The following WASF2 variants were observed in gnomAD, a reference collection of about 807,000 sequenced individuals.
The protein encoded by WASF2 is WASP family member 2, also known as actin-binding protein WASF2.
WASF2 carries 14 observed loss-of-function variants against 45.0 expected under a neutral mutation model. That is an observed-to-expected ratio of 0.31 (90% CI 0.21 to 0.49). The LOEUF is 0.49. Ranked by LOEUF, WASF2 falls within the 20% of genes least tolerant of loss-of-function variation. The pLI, the probability that WASF2 is intolerant of heterozygous loss-of-function variation, is 0.99. For missense variants in WASF2, 439 were observed against 636.1 expected (o/e 0.69, Z 3.33); for synonymous variants, 200 against 236.3 (o/e 0.85, Z 1.41).
At chr1:27,427,780 C>T (rs575085088) in intron 2 of WASF2, among the ~76,000 whole-genome samples, 3 of 152,236 alleles carry the variant, frequency 2.0e-5, no homozygotes, top group South Asian at 2.1e-4. Flanking sequence ...GGCAGTGATG[C>T]GATAGGAGGG....
In WASF2 at chr1:27,445,856, A is replaced by T. The variant is rs1571143023; in HGVS notation, c.-43-16923T>A. 5.6e-5 allele frequency among the ~76,000 whole-genome samples: 8 copies of T among 142,132 alleles called. 1 individual carries two copies. Among genetic ancestry groups the T allele is most frequent in the African/African-American group, 1.3e-4 (5 of 39,920 alleles). The allele number at this position is 142,132 out of a possible 152,430, so 93.2% of individuals were successfully genotyped here. A position where few individuals can be genotyped will look rare whatever the true frequency, so the allele number is the denominator to read the frequency against. ...CATCAGGGACTTTTTTTTTTTTTTT[A>T]AAGCACCTAATCTTCCATCTTCTTT... is the stretch of plus-strand genomic sequence containing the variant. On this transcript the variant is annotated intron_variant, in intron 1 of 8. Transcript: ENST00000618852.
At chr1:27,425,794 G>C (rs1031950040) in intron 2 of WASF2, among the ~76,000 whole-genome samples, 8 of 141,284 alleles carry the variant, frequency 5.7e-5, no homozygotes, top group Admixed American at 4.6e-4. Context: ...AGCCGAGGTG[G>C]CGCCACTGCA....
At chr1:27,413,589 C>T (rs181665093) in intron 6 of WASF2, among the ~76,000 whole-genome samples, 4 of 152,174 alleles carry the variant, frequency 2.6e-5, no homozygotes, top group African/African-American at 4.8e-5. Flanking sequence ...AGCCTTGGCA[C>T]GTCTCTTTAT....
At chr1:27,436,098 T>C (rs901691721) in intron 1 of WASF2, among the ~76,000 whole-genome samples, 9 of 152,238 alleles carry the variant, frequency 5.9e-5, no homozygotes, top group African/African-American at 1.9e-4. Context: ...GATGGGGACA[T>C]ATGAGAAGAG....
intron 1 of WASF2, among the ~76,000 whole-genome samples, chr1:27,460,062 C>T (rs946133827): frequency 6.6e-6 from 1 of 152,110 alleles, no homozygotes; most frequent in Non-Finnish European, 1.5e-5. Flanking sequence ...ATTAACACAG[C>T]CTCTAGTACC....
chr1:27,423,953 G>T (rs1235331093), intron 2 of WASF2, among the ~76,000 whole-genome samples: 1 of 152,100 alleles, frequency 6.6e-6, no homozygotes, highest in African/African-American at 2.4e-5. Flanking sequence ...CCAAGTGGGG[G>T]TTCCATTCTC....
In WASF2 at chr1:27,454,119, ATGTGTGTATATATATATGTGTG is replaced by A. The variant is rs1315494721; in HGVS notation, c.-43-25208_-43-25187del. Among the ~76,000 whole-genome samples, 80 of 140,114 alleles carry A rather than the reference ATGTGTGTATATATATATGTGTG, an allele frequency of 5.7e-4. No homozygotes were observed. In the East Asian group the frequency reaches 0.015, roughly 26 times the overall value. The allele number at this position is 140,114 out of a possible 152,430, so 91.9% of individuals were successfully genotyped here. A position where few individuals can be genotyped will look rare whatever the true frequency, so the allele number is the denominator to read the frequency against. The stretch of plus-strand genomic sequence containing the variant: ...TATATACATATATATGTGTATATAT[ATGTGTGTATATATATATGTGTG>A]TGTGTGTGTGTGTATATATATATAT... On this transcript the variant is annotated intron_variant, in intron 1 of 8. Transcript: ENST00000618852.
chr1:27,478,291 A>G (rs2017797774), intron 1 of WASF2, among the ~76,000 whole-genome samples: 1 of 151,932 alleles, frequency 6.6e-6, no homozygotes, highest in African/African-American at 2.4e-5. Context: ...AAAAAAAAAA[A>G]AGGATATGAT....
At chr1:27,481,370 T>C (rs2017847815) in intron 1 of WASF2, among the ~76,000 whole-genome samples, 1 of 151,880 alleles carries the variant, frequency 6.6e-6, no homozygotes, top group Non-Finnish European at 1.5e-5. Context: ...GTCAAACCAC[T>C]GCTTTTTCTC....
intron 8 of WASF2, among the ~76,000 whole-genome samples, chr1:27,408,689 T>C (rs1471899879): frequency 2.6e-5 from 4 of 152,176 alleles, no homozygotes; most frequent in South Asian, 2.1e-4. Context: ...TCAGCTGCCA[T>C]AGACTGTCCT....
intron 1 of WASF2, among the ~76,000 whole-genome samples, chr1:27,466,556 C>G (rs965234246): frequency 6.6e-6 from 1 of 152,156 alleles, no homozygotes; most frequent in Non-Finnish European, 1.5e-5. Flanking sequence ...AAAGCACCAA[C>G]TTTCAAAGAT....
At chr1:27,487,073 T>G (rs1346918981) in intron 1 of WASF2, among the ~76,000 whole-genome samples, 2 of 147,408 alleles carry the variant, frequency 1.4e-5, no homozygotes, top group Non-Finnish European at 3.0e-5. Flanking sequence ...ATATATAAAA[T>G]ATAGATTATA....
chr1:27,438,108 C>T (rs1401650417), intron 1 of WASF2, among the ~76,000 whole-genome samples: 4 of 152,146 alleles, frequency 2.6e-5, no homozygotes, highest in African/African-American at 9.7e-5. Flanking sequence ...CATTCCTCTC[C>T]AAGTACCTGG....
intron 4 of WASF2, 79 bp downstream of exon 4, chr1:27,418,190 A>T (rs1229134893): frequency 6.7e-7 from 1 of 1,484,824 alleles, no homozygotes; most frequent in Non-Finnish European, 9.1e-7. Flanking sequence ...CCTCTGATGG[A>T]AACAACCGCT....
chr1:27,428,617 T>C, intron 2 of WASF2, 144 bp downstream of exon 2: 1 of 1,239,562 alleles, frequency 8.1e-7, no homozygotes, highest in Non-Finnish European at 1.1e-6. Context: ...GGAGCCTCTC[T>C]TTGGGGAGGA....
At position 27,418,316 on chromosome 1, in the gene WASF2, G is replaced by C; in HGVS notation, c.372C>G (p.Tyr124Ter). 1 of 1,614,198 alleles carries C rather than the reference G, an allele frequency of 6.2e-7. No individual in the cohort carries two copies. The highest frequency in any genetic ancestry group is 8.5e-7 in the Non-Finnish European group (1 of 1,180,010). The change falls in exon 4 of 9, where the codon TAC becomes TAG. Residue 124 changes from tyrosine (Y) to a stop codon, truncating the protein, a stop_gained. Coordinates refer to ENST00000618852, the MANE Select transcript of WASF2 (RefSeq NM_006990.5). LOFTEE classifies it high-confidence loss of function. The part of the protein sequence containing the change: ...NSLPVPVLET[Y>*]NTCDTPPPLN... ...GAGGGGGAGGAGTATCACAGGTATT[G>C]TATGTTTCTAAGACAGGCACTGGGA...
At chr1:27,481,065 AG>A (rs1395880128) in intron 1 of WASF2, among the ~76,000 whole-genome samples, 9 of 147,446 alleles carry the variant, frequency 6.1e-5, no homozygotes, top group African/African-American at 2.3e-4. Flanking sequence ...AAACAAAAAA[AG>A]AATGCATGTG....
chr1:27,415,545 C>G lies in WASF2; in HGVS notation c.537+440G>C, dbSNP rs557765570. On this transcript the variant is annotated intron_variant, in intron 5 of 8. Coordinates refer to ENST00000618852, the MANE Select transcript of WASF2 (RefSeq NM_006990.5). ...AGAATCTTCAAAACCTACATATATC[C>G]CCCCACCCTAGCCCCGCCCAGCCCG... Among the ~76,000 whole-genome samples the G allele has an allele frequency of 2.0e-4, 31 of 152,168 alleles. No homozygotes were observed. The South Asian group carries it at 6.4e-3, about 32-fold the overall frequency.
At chr1:27,464,921 G>A (rs748289021) in intron 1 of WASF2, among the ~76,000 whole-genome samples, 1 of 152,150 alleles carries the variant, frequency 6.6e-6, no homozygotes, top group African/African-American at 2.4e-5. Context: ...TAGAGACAGG[G>A]TTTCACCATG....
Sources: gnomAD v4.1 joint callset for allele counts (sites outside exome capture counted in the v4.1 genomes callset) on GRCh38, gnomAD v4.1.1 for gene constraint, MANE v1.5 for transcripts, NCBI Gene and HGNC (gene_info 2026-07-23, HGNC 2026-07-21) for gene names.